Variants in CDK9 observed in about 807,000 individuals in gnomAD.
CDK9 encodes the protein cyclin-dependent kinase 9.
Under a neutral mutation model 39.0 loss-of-function variants are expected in CDK9, and 34 were observed. That is an observed-to-expected ratio of 0.87 (90% CI 0.66 to 1.16). The LOEUF (loss-of-function observed/expected upper bound fraction) is 1.16, where lower values mean the gene tolerates loss of function less well. CDK9 is among the 50% of genes most tolerant of loss of function. The pLI is 0.00. For missense variants in CDK9, 369 were observed against 503.2 expected (o/e 0.73, Z 2.55); for synonymous variants, 233 against 196.2 (o/e 1.19, Z -1.57).
At chr9:127,787,234 T>C (rs1236564572) in intron 2 of CDK9, among the ~76,000 whole-genome samples, 2 of 152,250 alleles carry the variant, frequency 1.3e-5, no homozygotes, top group Admixed American at 6.5e-5. Context: ...TAAATCATCA[T>C]GTTTGTTGCC....
rs1203147837 is a variant in CDK9, at chr9:127,788,020, G to GT, written c.341dup (p.Leu114PhefsTer12). On this transcript the variant is annotated frameshift_variant, in exon 4 of 7. Coordinates refer to ENST00000373264, the MANE Select transcript of CDK9 (RefSeq NM_001261.4). LOFTEE classifies it high-confidence loss of function. ...TCTGCGAGCATGACCTTGCTGGGCT[G>GT]TTGAGCAATGTTTTGGTCAAGTTCA... The GT allele has an allele frequency of 1.9e-6, 3 of 1,614,096 alleles. No homozygotes were observed. Among genetic ancestry groups the GT allele is most frequent in the Non-Finnish European group, 1.7e-6 (2 of 1,180,040 alleles).
Position 127,789,600 on chromosome 9 carries a change from C to A in CDK9, c.*57C>A. On this transcript the variant is annotated 3_prime_UTR_variant, in exon 7 of 7. Coordinates refer to ENST00000373264, the MANE Select transcript of CDK9 (RefSeq NM_001261.4). This position sits in a 1 kb window ranked among gnomAD's most constrained non-coding sequence, Gnocchi z 5.2. ...TTTTTTTCTTCTGCTATGTGACTTG[C>A]ATCGTGGAGACAGGGCATTTGAGTT... 1 of 1,572,796 alleles carries A rather than the reference C, an allele frequency of 6.4e-7. No homozygotes were observed. Among genetic ancestry groups the A allele is most frequent in the Non-Finnish European group, 8.6e-7 (1 of 1,160,274 alleles).
At chr9:127,786,872 T>G (rs1259184677) in intron 2 of CDK9, 90 bp downstream of exon 2, 3 of 1,021,466 alleles carry the variant, frequency 2.9e-6, no homozygotes, top group East Asian at 2.5e-5. Context: ...GAGTCTCAGG[T>G]TGAGATTTAA....
rs1243414579 is a variant in CDK9 at position 127,790,665 on chromosome 9, T to TAA, written c.*1123_*1124insAA. 1 of 152,080 alleles carries TAA rather than the reference T, an allele frequency of 6.6e-6. No individual in the cohort carries two copies. Among genetic ancestry groups the TAA allele is most frequent in the African/African-American group, 2.4e-5 (1 of 41,378 alleles). 9.4% of individuals were successfully genotyped at this position (152,080 alleles called of 1,614,324 possible). ...TGGAGGTCAATTTCCTACATCCTCT[T>TAA]ACAGGCGGAGACCTTGAAGTGGGGC... On this transcript the variant is annotated 3_prime_UTR_variant, in exon 7 of 7. Transcript: ENST00000373264.
At position 127,789,547 on chromosome 9, in the gene CDK9, C is replaced by T. The variant is rs1330402946; in HGVS notation, c.*4C>T. The T allele has an allele frequency of 2.5e-6, 4 of 1,611,978 alleles. No individual in the cohort carries two copies. The highest frequency in any genetic ancestry group is 1.7e-5 in the Admixed American group (1 of 59,932). On this transcript the variant is annotated 3_prime_UTR_variant, in exon 7 of 7. Transcript: ENST00000373264. This position sits in a 1 kb window ranked among gnomAD's most constrained non-coding sequence, Gnocchi z 5.2. ...GGAGTTTGAGCGCGTCTTCTGAGGG[C>T]CGGCGCTTGCCACTAGGGCTCTTGT...
rs1398795460 is a variant in CDK9, at chr9:127,789,366, C to T, written c.942C>T (p.Phe314=). The change falls in exon 7 of 7, where the codon TTC becomes TTT. Residue 314 remains phenylalanine (F), a synonymous_variant. Coordinates refer to ENST00000373264, the MANE Select transcript of CDK9 (RefSeq NM_001261.4). The surrounding 1 kb of genome is among the most constrained non-coding windows in gnomAD (Gnocchi z 5.2). The part of the protein sequence containing the change: ...IDSDDALNHD[F]FWSDPMPSDL... ...GCGATGACGCCCTCAACCACGACTT[C>T]TTCTGGTCCGACCCCATGCCCTCCG... is the stretch of plus-strand genomic sequence containing the variant. 17 of 1,614,024 alleles carry T rather than the reference C, an allele frequency of 1.1e-5. No individual in the cohort carries two copies. The highest frequency in any genetic ancestry group is 1.7e-5 in the Admixed American group (1 of 60,020).
chr9:127,788,704 C>G lies in CDK9; in HGVS notation c.753+12C>G. 1.3e-6 allele frequency: 2 copies of G among 1,579,690 alleles called. No individual in the cohort carries two copies. The highest frequency in any genetic ancestry group is 8.6e-7 in the Non-Finnish European group (1 of 1,162,386). On this transcript the variant is annotated intron_variant, in intron 6 of 6. Coordinates refer to ENST00000373264, the MANE Select transcript of CDK9 (RefSeq NM_001261.4). Reference sequence around the variant, plus strand: ...CCATCACCCCTGAGGTACGGGGCCCCGGTCCCCACGGGGTGCAGAGATCGA... The same window carrying G: ...CCATCACCCCTGAGGTACGGGGCCCGGGTCCCCACGGGGTGCAGAGATCGA...
chr9:127,786,317 C>CA lies in CDK9; in HGVS notation c.92+77_92+78insA, dbSNP rs998617610. The stretch of plus-strand genomic sequence containing the variant: ...CGACGTCGGGATGCCCGGGCCCCCC[C>CA]CGAGTTGGTAGAGAAGTCGTCTGTC... On this transcript the variant is annotated intron_variant, in intron 1 of 6. Coordinates refer to ENST00000373264, the MANE Select transcript of CDK9 (RefSeq NM_001261.4). 24 of 1,208,160 alleles carry CA rather than the reference C, an allele frequency of 2.0e-5. No individual in the cohort carries two copies. In the East Asian group the frequency reaches 3.2e-4, roughly 16 times the overall value. 74.8% of individuals were successfully genotyped at this position (1,208,160 alleles called of 1,614,324 possible). A position where few individuals can be genotyped will look rare whatever the true frequency, so the allele number is the denominator to read the frequency against.
chr9:127,788,736 C>T, intron 6 of CDK9, 44 bp downstream of exon 6: 1 of 1,526,788 alleles, frequency 6.5e-7, no homozygotes, highest in Non-Finnish European at 8.8e-7. Flanking sequence ...TCGAGGTCCC[C>T]CGGCAGAGGA....
chr9:127,787,623 T>G lies in CDK9; in HGVS notation c.265+15T>G, dbSNP rs2131828044. 1.3e-6 allele frequency: 2 copies of G among 1,577,192 alleles called. No individual in the cohort carries two copies. The highest frequency in any genetic ancestry group is 1.7e-6 in the Non-Finnish European group (2 of 1,146,344). On this transcript the variant is annotated intron_variant, in intron 3 of 6. Coordinates refer to ENST00000373264, the MANE Select transcript of CDK9 (RefSeq NM_001261.4). ...TCGAACCAAAGGTAAGTTATTTGGT[T>G]CTTACGAGAAGATGACACTTGTAGC...
intron 2 of CDK9, among the ~76,000 whole-genome samples, chr9:127,787,003 A>G (rs1373523052): frequency 6.6e-6 from 1 of 152,220 alleles, no homozygotes; most frequent in African/African-American, 2.4e-5. Flanking sequence ...CATCGTGTGC[A>G]CTTTATTTCA....
intron 2 of CDK9, 76 bp from the exon 3 acceptor site, chr9:127,787,442 G>T: frequency 1.1e-6 from 1 of 895,970 alleles, no homozygotes; most frequent in Non-Finnish European, 1.8e-6. Context: ...CTCCCAACTT[G>T]GCTGTCAGTA....
chr9:127,789,089 T>C lies in CDK9; in HGVS notation c.754-89T>C. The C allele has an allele frequency of 1.4e-6, 2 of 1,463,192 alleles. No individual in the cohort carries two copies. Among genetic ancestry groups the C allele is most frequent in the Non-Finnish European group, 1.8e-6 (2 of 1,098,206 alleles). 90.6% of individuals were successfully genotyped at this position (1,463,192 alleles called of 1,614,324 possible). ...TCTGGGAGCCTCCGAGTGGAGCAGG[T>C]ATTTTAGTCCTTTTAGGCCTTTATG... On this transcript the variant is annotated intron_variant, in intron 6 of 6. Transcript: ENST00000373264. The surrounding 1 kb of genome is among the most constrained non-coding windows in gnomAD (Gnocchi z 5.2).
rs1564433679 is a variant in CDK9, at chr9:127,789,396, C to T, written c.972C>T (p.Leu324=). 6.2e-7 allele frequency: 1 copy of T among 1,614,072 alleles called. No homozygotes were observed. The highest frequency in any genetic ancestry group is 8.5e-7 in the Non-Finnish European group (1 of 1,180,032). The change falls in exon 7 of 7, where the codon CTC becomes CTT. Residue 324 remains leucine (L), a synonymous_variant. Coordinates refer to ENST00000373264, the MANE Select transcript of CDK9 (RefSeq NM_001261.4). This position sits in a 1 kb window ranked among gnomAD's most constrained non-coding sequence, Gnocchi z 5.2. ...GGTCCGACCCCATGCCCTCCGACCT[C>T]AAGGGCATGCTCTCCACCCACCTGA... ...FFWSDPMPSD[L]KGMLSTHLTS...
chr9:127,788,275 T>C lies in CDK9; in HGVS notation c.494T>C (p.Leu165Pro). ...ATCACTCGTGATGGGGTCCTGAAGCTGGCAGACTTTGGGCTGGCCCGGGCC... is the reference window on the plus strand; with the variant it reads ...ATCACTCGTGATGGGGTCCTGAAGCCGGCAGACTTTGGGCTGGCCCGGGCC... ...VLITRDGVLKLADFGLARAFS... is the reference protein window; with the variant it reads ...VLITRDGVLKPADFGLARAFS... Residue 165 changes from leucine (L) to proline (P), a missense_variant, in exon 5 of 7, where the codon CTG (leucine) becomes CCG (proline). Leu to Pro is a moderately conservative substitution (Grantham distance 98). Coordinates refer to ENST00000373264, the MANE Select transcript of CDK9 (RefSeq NM_001261.4). 1 of 1,613,694 alleles carries C rather than the reference T, an allele frequency of 6.2e-7. No individual in the cohort carries two copies. Among genetic ancestry groups the C allele is most frequent in the Non-Finnish European group, 8.5e-7 (1 of 1,180,022 alleles).
intron 2 of CDK9, among the ~76,000 whole-genome samples, chr9:127,787,038 C>CT (rs1236506830): frequency 1.3e-5 from 2 of 152,100 alleles, no homozygotes; most frequent in Non-Finnish European, 2.9e-5. Context: ...CTTTAAACAC[C>CT]TTTTTTTAGT....
Position 127,789,496 on chromosome 9 carries a change from C to T in CDK9, c.1072C>T (p.Arg358Cys), listed in dbSNP as rs780150586. The T allele has an allele frequency of 9.3e-6, 15 of 1,614,002 alleles. No individual in the cohort carries two copies. The highest frequency in any genetic ancestry group is 1.3e-5 in the Non-Finnish European group (15 of 1,180,036). The change falls in exon 7 of 7, where the codon CGC becomes TGC. Residue 358 changes from arginine to cysteine, a missense_variant. Transcript: ENST00000373264. The surrounding 1 kb of genome is among the most constrained non-coding windows in gnomAD (Gnocchi z 5.2). ...QITQQSTNQS[R>C]NPATTNQTEF... ...CACCCAGCAGTCCACCAACCAGAGTCGCAATCCCGCCACCACCAACCAGAC... is the reference window on the plus strand; with the variant it reads ...CACCCAGCAGTCCACCAACCAGAGTTGCAATCCCGCCACCACCAACCAGAC...
rs1829392737 is a variant in CDK9 at position 127,789,588 on chromosome 9, C to T, written c.*45C>T. 3 of 1,589,454 alleles carry T rather than the reference C, an allele frequency of 1.9e-6. No individual in the cohort carries two copies. The highest frequency in any genetic ancestry group is 2.6e-6 in the Non-Finnish European group (3 of 1,167,850). On this transcript the variant is annotated 3_prime_UTR_variant, in exon 7 of 7. Coordinates refer to ENST00000373264, the MANE Select transcript of CDK9 (RefSeq NM_001261.4). The surrounding 1 kb of genome is among the most constrained non-coding windows in gnomAD (Gnocchi z 5.2). ...GGGCTCTTGTGTTTTTTTTCTTCTGCTATGTGACTTGCATCGTGGAGACAG... is the reference window on the plus strand; with the variant it reads ...GGGCTCTTGTGTTTTTTTTCTTCTGTTATGTGACTTGCATCGTGGAGACAG...
At position 127,787,511 on chromosome 9, in the gene CDK9, C is replaced by T. The variant is rs3217739; in HGVS notation, c.175-7C>T. 5,252 of 1,606,150 alleles carry T rather than the reference C, an allele frequency of 3.3e-3. 197 individuals carry two copies. In the East Asian group the frequency reaches 0.079, roughly 24 times the overall value. On this transcript the variant is annotated splice_region_variant and splice_polypyrimidine_tract_variant and intron_variant, in intron 2 of 6. Transcript: ENST00000373264. ...CTCTTGACCACTTTCCCCTCTTTCT[C>T]ACCCAGTTCCCCATTACAGCCTTGC...
Sources: gnomAD v4.1 joint callset for allele counts (sites outside exome capture counted in the v4.1 genomes callset) on GRCh38, gnomAD v4.1.1 for gene constraint, Gnocchi (gnomAD v3.1) non-coding constraint, MANE v1.5 for transcripts, NCBI Gene and HGNC (gene_info 2026-07-23, HGNC 2026-07-21) for gene names.